Variants in CDH4 observed in about 807,000 individuals in gnomAD.
CDH4 encodes the protein cadherin-4.
In CDH4, 33 loss-of-function variants were observed where a neutral mutation model predicts 86.0. The observed-to-expected ratio is 0.38, with a 90% CI of 0.29 to 0.51. The LOEUF (loss-of-function observed/expected upper bound fraction) is 0.51. Among genes scored for constraint, CDH4 ranks in the 20% least tolerant of loss-of-function variants. The pLI, the probability that CDH4 is intolerant of heterozygous loss-of-function variation, is 0.86. For missense variants in CDH4, 1,114 were observed against 1,307.4 expected (o/e 0.85, Z 2.28); for synonymous variants, 555 against 549.4 (o/e 1.01, Z -0.14).
chr20:61,483,141 G>A (rs1280012498), intron 2 of CDH4, among the ~76,000 whole-genome samples: 1 of 152,206 alleles, frequency 6.6e-6, no homozygotes, highest in Non-Finnish European at 1.5e-5. Flanking sequence ...GGGAGTCCAG[G>A]TAGATAGGAA....
At chr20:61,751,594 A>G (rs530279623) in intron 3 of CDH4, among the ~76,000 whole-genome samples, 1 of 152,226 alleles carries the variant, frequency 6.6e-6, no homozygotes, top group Non-Finnish European at 1.5e-5. Flanking sequence ...AGTGCTGTAG[A>G]GCAGGTGCCA....
chr20:61,895,868 G>A (rs1406222235), intron 8 of CDH4, among the ~76,000 whole-genome samples: 5 of 152,192 alleles, frequency 3.3e-5, no homozygotes, highest in South Asian at 4.1e-4. Context: ...TTTGGGCCCC[G>A]TGTGGCAGTG....
chr20:61,293,751 G>A (rs974245154), intron 2 of CDH4, among the ~76,000 whole-genome samples: 1 of 152,222 alleles, frequency 6.6e-6, no homozygotes, highest in Non-Finnish European at 1.5e-5. Flanking sequence ...GCCTGGAGGT[G>A]CTCTTGCTGA....
chr20:61,667,155 C>T (rs2087334930), intron 2 of CDH4, among the ~76,000 whole-genome samples: 1 of 152,116 alleles, frequency 6.6e-6, no homozygotes. Context: ...GCCGGTCAAG[C>T]CAGCACCTGG....
intron 2 of CDH4, among the ~76,000 whole-genome samples, chr20:61,654,264 A>G (rs1385756494): frequency 2.0e-5 from 3 of 152,184 alleles, no homozygotes; most frequent in African/African-American, 7.2e-5. Context: ...CTCCACCAAA[A>G]AAACATGAAA....
intron 2 of CDH4, among the ~76,000 whole-genome samples, chr20:61,591,967 C>T (rs771673162): frequency 1.3e-5 from 2 of 152,150 alleles, no homozygotes; most frequent in African/African-American, 4.8e-5. Context: ...CAGCAAATAC[C>T]GCCAACTGTT....
At chr20:61,460,455 G>A (rs2427113) in intron 2 of CDH4, among the ~76,000 whole-genome samples, 2 of 152,078 alleles carry the variant, frequency 1.3e-5, no homozygotes, top group African/African-American at 4.8e-5. Context: ...TCCCAGTTTT[G>A]CCCAACCAAA....
intron 2 of CDH4, among the ~76,000 whole-genome samples, chr20:61,426,397 T>C (rs2085215477): frequency 6.6e-6 from 1 of 152,156 alleles, no homozygotes; most frequent in Admixed American, 6.5e-5. Flanking sequence ...TTCGGGTGGC[T>C]CCAGTACAGC....
chr20:61,503,789 G>A (rs2085721139), intron 2 of CDH4, among the ~76,000 whole-genome samples: 1 of 152,182 alleles, frequency 6.6e-6, no homozygotes. Flanking sequence ...TAAACAATTT[G>A]TATTGAATGT....
At chr20:61,375,059 T>G (rs2084859313) in intron 2 of CDH4, among the ~76,000 whole-genome samples, 1 of 152,142 alleles carries the variant, frequency 6.6e-6, no homozygotes, top group African/African-American at 2.4e-5. Context: ...TTCTTCAAGG[T>G]ATTTGATTGT....
intron 2 of CDH4, among the ~76,000 whole-genome samples, chr20:61,628,249 G>A (rs2086850262): frequency 6.6e-6 from 1 of 152,096 alleles, no homozygotes; most frequent in Non-Finnish European, 1.5e-5. Context: ...CAGGTGCTGA[G>A]GTCTCGTAGA....
At chr20:61,699,322 C>T (rs2087748546) in intron 2 of CDH4, among the ~76,000 whole-genome samples, 1 of 152,170 alleles carries the variant, frequency 6.6e-6, no homozygotes, top group Non-Finnish European at 1.5e-5. Context: ...GTGCTCACAC[C>T]TCGAACGCCC....
At chr20:61,592,234 G>A (rs927786804) in intron 2 of CDH4, among the ~76,000 whole-genome samples, 5 of 152,150 alleles carry the variant, frequency 3.3e-5, no homozygotes, top group African/African-American at 1.2e-4. Flanking sequence ...GAGTCAAGAA[G>A]TCAAGACTTG....
At chr20:61,321,836 A>G (rs1350068181) in intron 2 of CDH4, among the ~76,000 whole-genome samples, 1 of 152,160 alleles carries the variant, frequency 6.6e-6, no homozygotes, top group Non-Finnish European at 1.5e-5. Context: ...GCTGCCAAAG[A>G]CGCTCACCTC....
chr20:61,644,876 T>C (rs1196587447), intron 2 of CDH4, among the ~76,000 whole-genome samples: 35 of 152,114 alleles, frequency 2.3e-4, no homozygotes, highest in Admixed American at 2.3e-3. Flanking sequence ...GTGAGCTGGA[T>C]CCAAAACAGA....
intron 6 of CDH4, among the ~76,000 whole-genome samples, chr20:61,869,954 A>G (rs958002424): frequency 6.6e-6 from 1 of 152,130 alleles, no homozygotes; most frequent in African/African-American, 2.4e-5. Flanking sequence ...AGTCCTGTGG[A>G]GGCGGAGGAG....
At chr20:61,459,350 GC>G (rs1239027898) in intron 2 of CDH4, among the ~76,000 whole-genome samples, 2 of 152,126 alleles carry the variant, frequency 1.3e-5, no homozygotes, top group African/African-American at 4.8e-5. Flanking sequence ...TTGGATCCCA[GC>G]CAGGAATGGG....
intron 4 of CDH4, among the ~76,000 whole-genome samples, chr20:61,812,719 TG>T (rs1185462614): frequency 2.0e-5 from 3 of 152,222 alleles, no homozygotes; most frequent in African/African-American, 7.2e-5. Context: ...TACGGGGAGT[TG>T]GGGCTTGGAT....
intron 6 of CDH4, among the ~76,000 whole-genome samples, chr20:61,873,384 A>G (rs1049932778): frequency 6.6e-6 from 1 of 152,234 alleles, no homozygotes; most frequent in Non-Finnish European, 1.5e-5. Context: ...TCGGGGCCTC[A>G]GGCCACCCGG....
Sources: allele counts gnomAD v4.1 joint callset (sites outside exome capture counted in the v4.1 genomes callset), GRCh38; gene constraint gnomAD v4.1.1; transcripts MANE v1.5; gene names NCBI Gene and HGNC (gene_info 2026-07-23, HGNC 2026-07-21).